Variants in AXDND1 observed in about 807,000 individuals in gnomAD.
The protein encoded by AXDND1 is axonemal dynein light chain domain-containing protein 1.
A neutral mutation model predicts 137.5 loss-of-function variants in AXDND1; 110 were observed. That is an observed-to-expected ratio of 0.80 (90% CI 0.69 to 0.94). The LOEUF (loss-of-function observed/expected upper bound fraction) is 0.94. Among genes scored for constraint, AXDND1 ranks in the 40% least tolerant of loss-of-function variants. The pLI, the probability that AXDND1 is intolerant of heterozygous loss-of-function variation, is 0.00. For synonymous variants in AXDND1, 414 were observed against 399.7 expected (o/e 1.04, Z -0.43); for missense variants, 1,191 against 1,169.8 (o/e 1.02, Z -0.26).
At chr1:179,416,468 GT>G (rs1654727854) in intron 12 of AXDND1, among the ~76,000 whole-genome samples, 1 of 152,096 alleles carries the variant, frequency 6.6e-6, no homozygotes. Flanking sequence ...GGTAGTTCTG[GT>G]TTTAGTTTTT....
chr1:179,367,684 C>A (rs1331758514), intron 2 of AXDND1, among the ~76,000 whole-genome samples: 1 of 152,188 alleles, frequency 6.6e-6, no homozygotes, highest in African/African-American at 2.4e-5. Context: ...TTGCAGTGAG[C>A]CAAGATCTTG....
At chr1:179,459,958 C>T (rs202141222) in intron 16 of AXDND1, among the ~76,000 whole-genome samples, 62 of 127,696 alleles carry the variant, frequency 4.9e-4, no homozygotes, top group African/African-American at 1.7e-3. Context: ...TCTTTTCTTC[C>T]TTCTTTCTTT....
intron 4 of AXDND1, among the ~76,000 whole-genome samples, chr1:179,372,415 C>T (rs1668125441): frequency 6.6e-6 from 1 of 152,100 alleles, no homozygotes; most frequent in Non-Finnish European, 1.5e-5. Context: ...AGATAAAAGA[C>T]ATGTTTATAG....
At chr1:179,387,518 T>C (rs759680200) in intron 9 of AXDND1, among the ~76,000 whole-genome samples, 1 of 152,246 alleles carries the variant, frequency 6.6e-6, no homozygotes, top group Admixed American at 6.5e-5. Context: ...ACACTAGTTA[T>C]GAGGGGAGAA....
intron 15 of AXDND1, among the ~76,000 whole-genome samples, chr1:179,434,330 G>A (rs1657821138): frequency 6.6e-6 from 1 of 151,996 alleles, no homozygotes; most frequent in Non-Finnish European, 1.5e-5. Context: ...GAAAAGGAGG[G>A]ACTCCTCCTT....
chr1:179,530,660 A>T (rs1022884322), intron 23 of AXDND1, among the ~76,000 whole-genome samples: 3 of 152,190 alleles, frequency 2.0e-5, no homozygotes, highest in African/African-American at 7.2e-5. Context: ...CAAAAGTCTA[A>T]GCTTTTGAAA....
At chr1:179,381,783 T>A (rs1648366493) in intron 6 of AXDND1, among the ~76,000 whole-genome samples, 1 of 152,094 alleles carries the variant, frequency 6.6e-6, no homozygotes, top group Non-Finnish European at 1.5e-5. Flanking sequence ...TATCATTATT[T>A]TATTTTATTT....
intron 16 of AXDND1, among the ~76,000 whole-genome samples, chr1:179,462,897 A>G (rs1006159332): frequency 3.3e-5 from 5 of 152,038 alleles, no homozygotes; most frequent in Non-Finnish European, 7.4e-5. Flanking sequence ...TAGATTTTCT[A>G]GTTTATTTGC....
At chr1:179,514,568 A>G (rs1191331958) in intron 21 of AXDND1, among the ~76,000 whole-genome samples, 1 of 152,056 alleles carries the variant, frequency 6.6e-6, no homozygotes, top group East Asian at 1.9e-4. Flanking sequence ...TTTTGTATAT[A>G]TCTGCTAAGT....
intron 15 of AXDND1, among the ~76,000 whole-genome samples, chr1:179,438,278 G>A (rs1193006847): frequency 6.6e-6 from 1 of 152,200 alleles, no homozygotes; most frequent in Non-Finnish European, 1.5e-5. Context: ...TTCTACGTTG[G>A]TGACACAAAT....
chr1:179,503,790 A>T (rs1173870653), intron 20 of AXDND1, among the ~76,000 whole-genome samples: 1 of 151,734 alleles, frequency 6.6e-6, no homozygotes, highest in Admixed American at 6.6e-5. Context: ...CCCACCTATG[A>T]TTGAGAACAC....
intron 15 of AXDND1, among the ~76,000 whole-genome samples, chr1:179,436,446 C>G (rs1339595643): frequency 1.3e-5 from 2 of 152,108 alleles, no homozygotes; most frequent in African/African-American, 4.8e-5. Flanking sequence ...CAACCCAATG[C>G]CCATCAATGG....
chr1:179,485,289 A>G (rs1665905574), intron 18 of AXDND1, among the ~76,000 whole-genome samples: 1 of 152,144 alleles, frequency 6.6e-6, no homozygotes. Flanking sequence ...CACCCATTGG[A>G]GTGTTGTGAC....
At chr1:179,439,835 A>G (rs936531149) in intron 15 of AXDND1, among the ~76,000 whole-genome samples, 38 of 151,664 alleles carry the variant, frequency 2.5e-4, no homozygotes, top group Non-Finnish European at 1.5e-4. Context: ...GGGTTCCTCC[A>G]GTCTCCCATT....
Position 179,366,488 on chromosome 1 carries a change from G to A in AXDND1, c.-22G>A, listed in dbSNP as rs758886239. On this transcript the variant is annotated 5_prime_UTR_variant, in exon 2 of 26. Transcript: ENST00000367618. The stretch of plus-strand genomic sequence containing the variant: ...CGGAGGACTATTTCAAATTACTAAA[G>A]AGATAGGAGGCATTGTTTATTATGT... 4.4e-6 allele frequency: 7 copies of A among 1,573,570 alleles called. No individual in the cohort carries two copies. Among genetic ancestry groups the A allele is most frequent in the Non-Finnish European group, 6.1e-6 (7 of 1,144,188 alleles).
At chr1:179,399,446 T>G (rs1039627241) in intron 11 of AXDND1, among the ~76,000 whole-genome samples, 2 of 151,942 alleles carry the variant, frequency 1.3e-5, no homozygotes, top group Non-Finnish European at 2.9e-5. Flanking sequence ...ACTAAGGACT[T>G]AAATCTAAGA....
At chr1:179,456,841 A>G in intron 16 of AXDND1, 1 of 812,300 alleles carries the variant, frequency 1.2e-6, no homozygotes, top group Non-Finnish European at 2.2e-6. Flanking sequence ...ACAGTATGCT[A>G]TTTCTGAATG....
At chr1:179,500,337 A>ATC (rs1051109914) in intron 20 of AXDND1, among the ~76,000 whole-genome samples, 6 of 133,886 alleles carry the variant, frequency 4.5e-5, no homozygotes, top group Admixed American at 3.8e-4. Context: ...AGGGTACATT[A>ATC]TGTGTGTGTG....
chr1:179,464,232 T>G (rs899972943), intron 16 of AXDND1, among the ~76,000 whole-genome samples: 1 of 152,232 alleles, frequency 6.6e-6, no homozygotes, highest in Admixed American at 6.5e-5. Flanking sequence ...CAATTTGGCA[T>G]GTTTTTGCAG....
Sources: gnomAD v4.1 joint callset for allele counts (sites outside exome capture counted in the v4.1 genomes callset) on GRCh38, gnomAD v4.1.1 for gene constraint, MANE v1.5 for transcripts, NCBI Gene and HGNC (gene_info 2026-07-23, HGNC 2026-07-21) for gene names.